RAB30: variants seen among roughly 807,000 people sequenced by gnomAD.
RAB30 encodes the protein ras-related protein Rab-30.
Under a neutral mutation model 25.1 loss-of-function variants are expected in RAB30, and 9 were observed. The observed-to-expected ratio is 0.36, with a 90% CI of 0.22 to 0.63. The LOEUF (loss-of-function observed/expected upper bound fraction) is 0.63. Ranked by LOEUF, RAB30 falls within the 20% of genes least tolerant of loss-of-function variation. RAB30 has a pLI of 0.69. For missense variants in RAB30, 140 were observed against 243.5 expected, an observed-to-expected ratio of 0.58 and a Z score of 2.83; for synonymous variants, 77 against 86.4, an observed-to-expected ratio of 0.89 and a Z score of 0.60.
At chr11:83,053,639 C>A (rs961980409) in intron 1 of RAB30, among the ~76,000 whole-genome samples, 1 of 151,496 alleles carries the variant, frequency 6.6e-6, no homozygotes, top group African/African-American at 2.4e-5. Context: ...AAAAATCTAA[C>A]CCACAGGTCC....
At chr11:83,051,702 A>G (rs1858361637) in intron 1 of RAB30, among the ~76,000 whole-genome samples, 3 of 151,718 alleles carry the variant, frequency 2.0e-5, no homozygotes, top group Admixed American at 6.6e-5. Flanking sequence ...AAAAACAAAA[A>G]CCCTCTTCCC....
intron 1 of RAB30, among the ~76,000 whole-genome samples, chr11:83,014,640 AAG>A (rs757040994): frequency 7.5e-5 from 6 of 80,384 alleles, no homozygotes; most frequent in South Asian, 3.4e-4. Flanking sequence ...AAGAAAAAGA[AAG>A]AAAGAAAGAA....
rs372077786 is a variant in RAB30, at chr11:82,987,656, G to A, written c.292C>T (p.Arg98Cys). ...TYDITCEESF[R>C]CLPEWLREIE... is the part of the protein sequence containing the mutation. ...TCCCGCAGCCACTCAGGAAGGCAACGGAAGGATTCCTCACAGGTAATGTCA... is the reference window on the plus strand; with the variant it reads ...TCCCGCAGCCACTCAGGAAGGCAACAGAAGGATTCCTCACAGGTAATGTCA... The change falls in exon 4 of 5, where the codon CGT becomes TGT. Residue 98 changes from arginine (R) to cysteine (C), a missense_variant. Arg to Cys is a radical substitution (Grantham distance 180). Coordinates refer to ENST00000527633, the MANE Select transcript of RAB30 (RefSeq NM_001286060.2). The A allele has an allele frequency of 3.7e-6, 6 of 1,613,810 alleles. No homozygotes were observed. The highest frequency in any genetic ancestry group is 2.2e-5 in the East Asian group (1 of 44,878).
At chr11:82,991,939 T>G (rs1856859027) in intron 3 of RAB30, among the ~76,000 whole-genome samples, 1 of 152,192 alleles carries the variant, frequency 6.6e-6, no homozygotes, top group South Asian at 2.1e-4. Context: ...AAATGGAATA[T>G]TTATGCCTGG....
At chr11:83,025,948 G>C (rs1217677844) in intron 1 of RAB30, among the ~76,000 whole-genome samples, 1 of 152,130 alleles carries the variant, frequency 6.6e-6, no homozygotes, top group Non-Finnish European at 1.5e-5. Flanking sequence ...CAGCACTTTG[G>C]GAAGCCAAGG....
intron 1 of RAB30, among the ~76,000 whole-genome samples, chr11:83,029,130 T>C (rs1857792460): frequency 6.6e-6 from 1 of 152,092 alleles, no homozygotes; most frequent in African/African-American, 2.4e-5. Context: ...CCAACATGAC[T>C]ACCACAGGAA....
chr11:83,034,629 CA>C (rs1475946560), intron 1 of RAB30: 4 of 152,168 alleles, frequency 2.6e-5, no homozygotes, highest in African/African-American at 7.2e-5. Context: ...CCCACAGCTG[CA>C]TACAAGGCTA....
intron 1 of RAB30, among the ~76,000 whole-genome samples, chr11:83,001,576 T>C (rs7106216): frequency 0.27 from 41,378 of 152,148 alleles, 6,067 homozygotes; most frequent in East Asian, 0.32. Flanking sequence ...AGGTAATCTG[T>C]TGTAGTTACT....
intron 1 of RAB30, among the ~76,000 whole-genome samples, chr11:83,028,368 T>A (rs1167442883): frequency 6.6e-6 from 1 of 151,970 alleles, no homozygotes; most frequent in African/African-American, 2.4e-5. Context: ...GGGTCCTATA[T>A]CCAAATAAGA....
chr11:83,015,077 G>A (rs1387160692), intron 1 of RAB30, among the ~76,000 whole-genome samples: 1 of 152,182 alleles, frequency 6.6e-6, no homozygotes, highest in Non-Finnish European at 1.5e-5. Context: ...CCAGGGCAAG[G>A]AGTTTGGATT....
intron 1 of RAB30, among the ~76,000 whole-genome samples, chr11:83,031,635 C>T (rs1857863105): frequency 6.6e-6 from 1 of 151,410 alleles, no homozygotes; most frequent in East Asian, 2.0e-4. Context: ...TCAAGCGATT[C>T]TCCTGCCTCA....
At chr11:83,028,652 C>A (rs1157149450) in intron 1 of RAB30, among the ~76,000 whole-genome samples, 1 of 152,136 alleles carries the variant, frequency 6.6e-6, no homozygotes, top group Non-Finnish European at 1.5e-5. Flanking sequence ...CCTTTAAAAT[C>A]TGAAGGAAAA....
At chr11:83,029,396 T>G (rs2121513539) in intron 1 of RAB30, among the ~76,000 whole-genome samples, 1 of 149,826 alleles carries the variant, frequency 6.7e-6, no homozygotes, top group South Asian at 2.1e-4. Context: ...CTTAAATATT[T>G]TATTATTATT....
intron 1 of RAB30, among the ~76,000 whole-genome samples, chr11:83,031,280 G>A (rs754581259): frequency 2.0e-5 from 3 of 152,234 alleles, no homozygotes; most frequent in Non-Finnish European, 4.4e-5. Context: ...CATGACATCT[G>A]GTTATAATTC....
chr11:83,000,806 C>G (rs945591244), intron 1 of RAB30, among the ~76,000 whole-genome samples: 1 of 151,996 alleles, frequency 6.6e-6, no homozygotes, highest in Non-Finnish European at 1.5e-5. Flanking sequence ...GTAATCCCAG[C>G]ACTTTGGGAG....
At position 83,039,627 on chromosome 11, in the gene RAB30, C is replaced by T. The variant is rs187499697; in HGVS notation, c.-9+32064G>A. Among the ~76,000 whole-genome samples the T allele has an allele frequency of 5.2e-3, 796 of 152,194 alleles. 5 individuals are homozygous for T. The highest frequency in any genetic ancestry group is 0.018 in the African/African-American group (733 of 41,520). On this transcript the variant is annotated intron_variant, in intron 1 of 4. Coordinates refer to ENST00000527633, the MANE Select transcript of RAB30 (RefSeq NM_001286060.2). The stretch of plus-strand genomic sequence containing the variant: ...CTGGAATGTTGAGGCTTCAGCTAGC[C>T]GAGATCACGCCACTGTACTCCAGCC...
chr11:83,028,608 T>C (rs1857779815), intron 1 of RAB30, among the ~76,000 whole-genome samples: 1 of 152,088 alleles, frequency 6.6e-6, no homozygotes, highest in Admixed American at 6.6e-5. Context: ...TTCCAACTTC[T>C]CTACAGCAAC....
At chr11:83,029,544 G>A (rs1857804630) in intron 1 of RAB30, among the ~76,000 whole-genome samples, 1 of 151,982 alleles carries the variant, frequency 6.6e-6, no homozygotes, top group Admixed American at 6.6e-5. Flanking sequence ...TGGGATTACA[G>A]GTATGAACCT....
intron 4 of RAB30, among the ~76,000 whole-genome samples, chr11:82,985,739 G>A: frequency 7.0e-6 from 1 of 141,880 alleles, no homozygotes; most frequent in Admixed American, 7.2e-5. Flanking sequence ...TTTTTAAAGA[G>A]TCTGGCTCTG....
Sources: gnomAD v4.1 joint callset for allele counts (sites outside exome capture counted in the v4.1 genomes callset) on GRCh38, gnomAD v4.1.1 for gene constraint, MANE v1.5 for transcripts, NCBI Gene and HGNC (gene_info 2026-07-23, HGNC 2026-07-21) for gene names.